The following HACE1 variants were observed in gnomAD, a reference collection of about 807,000 sequenced individuals.
The protein encoded by HACE1 is E3 ubiquitin-protein ligase HACE1.
A neutral mutation model predicts 118.4 loss-of-function variants in HACE1; 73 were observed. The ratio of observed to expected loss-of-function variants is 0.62; its 90% CI spans 0.51 to 0.75. The LOEUF (loss-of-function observed/expected upper bound fraction) is 0.75, where lower values mean the gene tolerates loss of function less well. HACE1 is among the 30% of genes least tolerant of loss of function. HACE1 has a pLI of 0.00. For synonymous variants in HACE1, 368 were observed against 374.8 expected (o/e 0.98, Z 0.21); for missense variants, 749 against 1,102.2 (o/e 0.68, Z 4.54).
chr6:104,833,258 G>A (rs1774186622), intron 5 of HACE1, 85 bp from the exon 6 acceptor site: 1 of 1,242,904 alleles, frequency 8.0e-7, no homozygotes, highest in Non-Finnish European at 1.2e-6. Context: ...TCTCAGCTGG[G>A]CGTGATTTGC....
At chr6:104,792,611 T>C in intron 10 of HACE1, among the ~76,000 whole-genome samples, 1 of 152,186 alleles carries the variant, frequency 6.6e-6, no homozygotes, top group South Asian at 2.1e-4. Context: ...TAACTTTGTA[T>C]GTTGGAGGCC....
chr6:104,782,940 G>A (rs1418746121), intron 14 of HACE1, among the ~76,000 whole-genome samples: 2 of 152,156 alleles, frequency 1.3e-5, no homozygotes, highest in Non-Finnish European at 2.9e-5. Context: ...AACTTTGCCA[G>A]AATTATGCCA....
chr6:104,766,656 T>C (rs562956753), intron 19 of HACE1, among the ~76,000 whole-genome samples: 23 of 152,250 alleles, frequency 1.5e-4, no homozygotes, highest in Non-Finnish European at 2.6e-4. Context: ...AATTTGTATT[T>C]GCTACTTTGT....
chr6:104,787,857 C>G (rs1449500657), intron 11 of HACE1, among the ~76,000 whole-genome samples: 1 of 152,012 alleles, frequency 6.6e-6, no homozygotes, highest in Non-Finnish European at 1.5e-5. Context: ...AATAAAGGAA[C>G]ACAGCAAATA....
chr6:104,731,485 A>C (rs1442624003), intron 22 of HACE1: 1 of 152,108 alleles, frequency 6.6e-6, no homozygotes, highest in African/African-American at 2.4e-5. Context: ...AAGCTGTGGT[A>C]ATCAAAACAG....
rs543079034 is a variant in HACE1 at position 104,742,035 on chromosome 6, A to C, written c.2513+2125T>G. Reference sequence around the variant, plus strand: ...ATCTACAACTATCTGATCTTTGACAAACCTGAGAAAAACAAGCAATGGGGA... The same window carrying C: ...ATCTACAACTATCTGATCTTTGACACACCTGAGAAAAACAAGCAATGGGGA... On this transcript the variant is annotated intron_variant, in intron 22 of 23. Coordinates refer to ENST00000262903, the MANE Select transcript of HACE1 (RefSeq NM_020771.4). Among the ~76,000 whole-genome samples, 628 of 146,036 alleles carry C rather than the reference A, an allele frequency of 4.3e-3. 4 individuals carry two copies. The highest frequency in any genetic ancestry group is 0.016 in the African/African-American group (601 of 38,394).
At chr6:104,740,897 T>G (rs1245467445) in intron 22 of HACE1, among the ~76,000 whole-genome samples, 4 of 121,078 alleles carry the variant, frequency 3.3e-5, no homozygotes, top group Admixed American at 8.5e-5. Context: ...TGAACATTGA[T>G]GCAAAAATCC....
intron 5 of HACE1, among the ~76,000 whole-genome samples, chr6:104,837,158 T>G (rs1774626402): frequency 6.6e-6 from 1 of 152,100 alleles, no homozygotes; most frequent in Admixed American, 6.6e-5. Context: ...ATTCTAAAAT[T>G]TATATGGAAA....
chr6:104,835,281 T>G (rs1287238846), intron 5 of HACE1, among the ~76,000 whole-genome samples: 2 of 152,084 alleles, frequency 1.3e-5, no homozygotes, highest in Admixed American at 1.3e-4. Flanking sequence ...GATAAACGCA[T>G]CTAATTTGAA....
At chr6:104,816,117 T>C (rs1772089317) in intron 6 of HACE1, among the ~76,000 whole-genome samples, 3 of 150,488 alleles carry the variant, frequency 2.0e-5, no homozygotes, top group Admixed American at 6.6e-5. Flanking sequence ...TTGGAAAATG[T>C]GCAGCCTGAC....
chr6:104,835,092 G>C (rs568655069), intron 5 of HACE1, among the ~76,000 whole-genome samples: 1 of 152,306 alleles, frequency 6.6e-6, no homozygotes, highest in South Asian at 2.1e-4. Flanking sequence ...CGGGCAGTTG[G>C]AAGAGTCTTC....
chr6:104,845,104 T>C (rs1474294468), intron 4 of HACE1, among the ~76,000 whole-genome samples: 1 of 152,060 alleles, frequency 6.6e-6, no homozygotes, highest in Non-Finnish European at 1.5e-5. Flanking sequence ...AGTAATGTAA[T>C]ATGAGGTTGG....
At position 104,729,656 on chromosome 6, in the gene HACE1, A is replaced by C; in HGVS notation, c.*6T>G. 7.6e-7 allele frequency: 1 copy of C among 1,324,056 alleles called. No individual in the cohort carries two copies. Among genetic ancestry groups the C allele is most frequent in the East Asian group, 2.3e-5 (1 of 43,628 alleles). 82.0% of individuals were successfully genotyped at this position (1,324,056 alleles called of 1,614,324 possible). On this transcript the variant is annotated 3_prime_UTR_variant, in exon 24 of 24. Transcript: ENST00000262903. The stretch of plus-strand genomic sequence containing the variant: ...ATCAGTAGTCAGAGGAGTTTTCCAG[A>C]CTTCATTATGCCATTGTGTAACCAT...
chr6:104,750,401 T>TA lies in HACE1; in HGVS notation c.2282dup (p.Leu761PhefsTer17). 1 of 1,612,856 alleles carries TA rather than the reference T, an allele frequency of 6.2e-7. No homozygotes were observed. The highest frequency in any genetic ancestry group is 1.1e-5 in the South Asian group (1 of 91,048). Reference sequence around the variant, plus strand: ...GTGGAATGAACATATGAAAGCCCTGTAAAAAAGCATTGATCTGAGGCTGAA... The same window carrying TA: ...GTGGAATGAACATATGAAAGCCCTGTAAAAAAAGCATTGATCTGAGGCTGAA... On this transcript the variant is annotated frameshift_variant, in exon 20 of 24. Coordinates refer to ENST00000262903, the MANE Select transcript of HACE1 (RefSeq NM_020771.4). LOFTEE classifies it high-confidence loss of function.
intron 4 of HACE1, among the ~76,000 whole-genome samples, chr6:104,847,165 T>C (rs1199534706): frequency 6.6e-6 from 1 of 152,242 alleles, no homozygotes; most frequent in Non-Finnish European, 1.5e-5. Context: ...AGTCTAAGAC[T>C]TATTTCTTGC....
intron 19 of HACE1, among the ~76,000 whole-genome samples, chr6:104,768,778 CA>C (rs1211929537): frequency 6.6e-6 from 1 of 151,936 alleles, no homozygotes; most frequent in South Asian, 2.1e-4. Flanking sequence ...AACTGAGAAA[CA>C]AAAGTTTCAA....
At position 104,744,180 on chromosome 6, in the gene HACE1, G is replaced by A; in HGVS notation, c.2493C>T (p.Leu831=). ...CTTACCTGCCCGTAACAAACTGTAA[G>A]AGAAGAACTCTCTCCTCTTGAGTAA... ...EDITQEERVL[L]LQFVTGSSRV... Residue 831 remains leucine, a synonymous_variant, in exon 22 of 24, where the codon CTC becomes CTT. Coordinates refer to ENST00000262903, the MANE Select transcript of HACE1 (RefSeq NM_020771.4). The A allele has an allele frequency of 6.3e-7, 1 of 1,599,816 alleles. No homozygotes were observed. The highest frequency in any genetic ancestry group is 1.1e-5 in the South Asian group (1 of 90,772).
intron 22 of HACE1, among the ~76,000 whole-genome samples, chr6:104,738,482 T>C (rs1317380532): frequency 6.7e-6 from 1 of 149,550 alleles, no homozygotes; most frequent in Non-Finnish European, 1.5e-5. Flanking sequence ...AAGGAGCTGA[T>C]GGAGCTGAAA....
chr6:104,747,723 G>A (rs1272730943), intron 20 of HACE1, among the ~76,000 whole-genome samples: 1 of 151,980 alleles, frequency 6.6e-6, no homozygotes, highest in Non-Finnish European at 1.5e-5. Flanking sequence ...TGTAAAATGG[G>A]GACAATAGTA....
Sources: allele counts gnomAD v4.1 joint callset (sites outside exome capture counted in the v4.1 genomes callset), GRCh38; gene constraint gnomAD v4.1.1; transcripts MANE v1.5; gene names NCBI Gene and HGNC (gene_info 2026-07-23, HGNC 2026-07-21).